Variants in HMCES observed in about 807,000 individuals in gnomAD.
The protein encoded by HMCES is 5-hydroxymethylcytosine binding, ES cell specific.
A neutral mutation model predicts 35.1 loss-of-function variants in HMCES; 27 were observed. The observed-to-expected ratio is 0.77, with a 90% CI of 0.57 to 1.06. The LOEUF is 1.06. HMCES is among the 50% of genes least tolerant of loss of function. HMCES has a pLI of 0.00. For synonymous variants in HMCES, 130 were observed against 154.7 expected, an observed-to-expected ratio of 0.84 and a Z score of 1.18; for missense variants, 391 against 430.4, an observed-to-expected ratio of 0.91 and a Z score of 0.81.
intron 5 of HMCES, among the ~76,000 whole-genome samples, chr3:129,299,648 CTTTTTTTTTTT>C (rs34382705): frequency 1.8e-5 from 2 of 110,106 alleles, no homozygotes; most frequent in African/African-American, 7.0e-5. Flanking sequence ...ATAGGTGCTT[CTTTTTTTTTTT>C]TTTTTTTTTT....
chr3:129,298,502 A>C lies in HMCES; in HGVS notation c.602A>C (p.Asp201Ala). 1 of 1,614,142 alleles carries C rather than the reference A, an allele frequency of 6.2e-7. No individual in the cohort carries two copies. Among genetic ancestry groups the C allele is most frequent in the Non-Finnish European group, 8.5e-7 (1 of 1,180,010 alleles). ...TATTCCTATACCATCATCACAGTGG[A>C]TTCCTGCAAAGGCTTGAGTGACATC... ...VLYSYTIITV[D>A]SCKGLSDIHH... The change falls in exon 5 of 7, where the codon GAT becomes GCT. Residue 201 changes from aspartate to alanine, a missense_variant. Physicochemically the swap from Asp to Ala is moderately radical, Grantham distance 126. Transcript: ENST00000383463.
intron 2 of HMCES, among the ~76,000 whole-genome samples, chr3:129,284,312 A>G (rs920354959): frequency 6.6e-6 from 1 of 152,246 alleles, no homozygotes; most frequent in African/African-American, 2.4e-5. Context: ...GAAGGCTGTG[A>G]TATGTCTTAA....
chr3:129,299,428 C>T lies in HMCES; in HGVS notation c.635+893C>T, dbSNP rs558971439. On this transcript the variant is annotated intron_variant, in intron 5 of 6. Transcript: ENST00000383463. ...TATTTGATTCAATGTATAGCCTTCTCCTCCAATTAACTTCTGTATCACTGC... is the reference window on the plus strand; with the variant it reads ...TATTTGATTCAATGTATAGCCTTCTTCTCCAATTAACTTCTGTATCACTGC... 6.6e-5 allele frequency among the ~76,000 whole-genome samples: 10 copies of T among 152,240 alleles called. No individual in the cohort carries two copies. The South Asian group carries it at 2.1e-3, about 32-fold the overall frequency.
intron 5 of HMCES, among the ~76,000 whole-genome samples, chr3:129,301,161 C>G (rs149957745): frequency 0.019 from 2,433 of 130,492 alleles, 68 homozygotes; most frequent in East Asian, 0.12. Context: ...CACTGCACTC[C>G]AGCCTGGGCA....
At chr3:129,289,111 A>G (rs1940726317) in intron 3 of HMCES, 114 bp downstream of exon 3, 3 of 891,218 alleles carry the variant, frequency 3.4e-6, no homozygotes, top group Non-Finnish European at 3.2e-6. Flanking sequence ...CACAAAAAAG[A>G]ATGTTCCCAG....
intron 6 of HMCES, among the ~76,000 whole-genome samples, chr3:129,304,075 C>T (rs937803156): frequency 3.9e-5 from 6 of 152,166 alleles, no homozygotes; most frequent in African/African-American, 1.4e-4. Context: ...AAAGATGTCA[C>T]ATTCTGGAGA....
chr3:129,283,660 G>GTC (rs1261113538), intron 2 of HMCES, among the ~76,000 whole-genome samples: 1 of 152,022 alleles, frequency 6.6e-6, no homozygotes, highest in African/African-American at 2.4e-5. Context: ...GTGAAACCCT[G>GTC]TCTCTACTAA....
chr3:129,304,217 A>G (rs1232844060), intron 6 of HMCES, among the ~76,000 whole-genome samples: 1 of 152,232 alleles, frequency 6.6e-6, no homozygotes, highest in Non-Finnish European at 1.5e-5. Flanking sequence ...ATTTAGCCTT[A>G]TCACAGTGGC....
At position 129,301,030 on chromosome 3, in the gene HMCES, C is replaced by CAAAAAAA. The variant is rs761152034; in HGVS notation, c.636-914_636-908dup. Among the ~76,000 whole-genome samples the CAAAAAAA allele has an allele frequency of 5.0e-4, 60 of 119,624 alleles. No homozygotes were observed. The Middle Eastern group carries it at 0.013, about 26-fold the overall frequency. The allele number at this position is 119,624 out of a possible 152,430, so 78.5% of individuals were successfully genotyped here. ...TGGGCAACACAGTGAGACTCCATCT[C>CAAAAAAA]AAAAAAAAAAAATTAGCCGGGCATG... On this transcript the variant is annotated intron_variant, in intron 5 of 6. Coordinates refer to ENST00000383463, the MANE Select transcript of HMCES (RefSeq NM_020187.3).
In HMCES at chr3:129,305,137, G is replaced by A. The variant is rs2071219236; in HGVS notation, c.*312G>A. On this transcript the variant is annotated 3_prime_UTR_variant, in exon 7 of 7. Transcript: ENST00000383463. The stretch of plus-strand genomic sequence containing the variant: ...TGCCTTACCCAGCTGGGAAGTCTCT[G>A]CCCTGATCTGGTACTCCTTGTAGTA... 1 of 379,752 alleles carries A rather than the reference G, an allele frequency of 2.6e-6. No individual in the cohort carries two copies. Among genetic ancestry groups the A allele is most frequent in the Non-Finnish European group, 4.7e-6 (1 of 210,614 alleles). The allele number at this position is 379,752 out of a possible 1,614,324, so 23.5% of individuals were successfully genotyped here. A position where few individuals can be genotyped will look rare whatever the true frequency, so the allele number is the denominator to read the frequency against.
In HMCES at chr3:129,282,068, A is replaced by G. The variant is rs530339498; in HGVS notation, c.183+2153A>G. Among the ~76,000 whole-genome samples the G allele has an allele frequency of 3.3e-5, 5 of 152,308 alleles. No individual in the cohort carries two copies. The South Asian group carries it at 1.0e-3, about 32-fold the overall frequency. ...TGTTTTAAATGAGAGGGGAATCAAA[A>G]TAAAATATTCTGGAGAACCTTGAAG... On this transcript the variant is annotated intron_variant, in intron 2 of 6. Coordinates refer to ENST00000383463, the MANE Select transcript of HMCES (RefSeq NM_020187.3).
chr3:129,304,339 GC>G (rs936809679), intron 6 of HMCES, among the ~76,000 whole-genome samples: 1 of 152,166 alleles, frequency 6.6e-6, no homozygotes, highest in Non-Finnish European at 1.5e-5. Context: ...CATTTGGAAT[GC>G]CTTTCAGCTC....
At chr3:129,292,497 C>CTTT (rs763165708) in intron 4 of HMCES, among the ~76,000 whole-genome samples, 1 of 133,796 alleles carries the variant, frequency 7.5e-6, no homozygotes, top group Non-Finnish European at 1.6e-5. Flanking sequence ...TTTTTTTCTT[C>CTTT]TTTTTTTTTT....
chr3:129,298,556 C>A, intron 5 of HMCES, 21 bp downstream of exon 5: 1 of 1,606,052 alleles, frequency 6.2e-7, no homozygotes, highest in South Asian at 1.1e-5. Flanking sequence ...CTTCTTAGCC[C>A]TGGATCCAAA....
Sources: gnomAD v4.1 joint callset for allele counts (sites outside exome capture counted in the v4.1 genomes callset) on GRCh38, gnomAD v4.1.1 for gene constraint, MANE v1.5 for transcripts, NCBI Gene and HGNC (gene_info 2026-07-23, HGNC 2026-07-21) for gene names.